CCDC178: variants seen among roughly 807,000 people sequenced by gnomAD.
CCDC178 encodes coiled-coil domain-containing protein 178.
A neutral mutation model predicts 117.4 loss-of-function variants in CCDC178; 126 were observed. That is an observed-to-expected ratio of 1.07 (90% CI 0.93 to 1.24). CCDC178 has a LOEUF of 1.24. Ranked by LOEUF, CCDC178 falls within the 50% of genes most tolerant of loss-of-function variation. The pLI is 0.00. For missense variants in CCDC178, 1,030 were observed against 986.9 expected, an observed-to-expected ratio of 1.04 and a Z score of -0.59; for synonymous variants, 283 against 313.4, an observed-to-expected ratio of 0.90 and a Z score of 1.02.
chr18:33,253,535 A>G (rs2059641230), intron 14 of CCDC178, among the ~76,000 whole-genome samples: 1 of 151,910 alleles, frequency 6.6e-6, no homozygotes, highest in African/African-American at 2.4e-5. Flanking sequence ...AAGGTGATTC[A>G]GATAAATGGT....
rs929454536 is a variant in CCDC178, at chr18:33,049,228, G to T, written c.2388+43533C>A. The stretch of plus-strand genomic sequence containing the variant: ...TTTAGTGGTTTTTTAATTTATAAAA[G>T]AAATCCTACAAAGCCATGAAACATA... On this transcript the variant is annotated intron_variant, in intron 21 of 22. Coordinates refer to ENST00000383096, the MANE Select transcript of CCDC178 (RefSeq NM_001105528.4). 4.6e-5 allele frequency among the ~76,000 whole-genome samples: 7 copies of T among 151,904 alleles called. 1 individual carries two copies. The Middle Eastern group carries it at 0.014, about 297-fold the overall frequency.
chr18:33,052,968 G>C (rs1027644642), intron 21 of CCDC178, among the ~76,000 whole-genome samples: 1 of 152,162 alleles, frequency 6.6e-6, no homozygotes, highest in Non-Finnish European at 1.5e-5. Context: ...CCACCCTAAA[G>C]CTGGACAAAT....
At chr18:33,068,895 T>C (rs547827387) in intron 21 of CCDC178, among the ~76,000 whole-genome samples, 90 of 152,146 alleles carry the variant, frequency 5.9e-4, no homozygotes, top group Non-Finnish European at 1.1e-3. Context: ...GCTTTGCAGA[T>C]GACATGATCC....
intron 21 of CCDC178, among the ~76,000 whole-genome samples, chr18:33,084,631 T>C (rs1264452662): frequency 6.6e-6 from 1 of 151,720 alleles, no homozygotes; most frequent in Non-Finnish European, 1.5e-5. Flanking sequence ...GCCAACATAC[T>C]GAAACCCCGT....
intron 9 of CCDC178, among the ~76,000 whole-genome samples, chr18:33,336,546 G>C (rs1158881900): frequency 6.6e-6 from 1 of 152,006 alleles, no homozygotes; most frequent in East Asian, 1.9e-4. Context: ...TTATAACTTT[G>C]ATATTACTGG....
intron 21 of CCDC178, among the ~76,000 whole-genome samples, chr18:32,999,190 T>A (rs2144764203): frequency 6.6e-6 from 1 of 152,152 alleles, no homozygotes; most frequent in Non-Finnish European, 1.5e-5. Context: ...AGACTGGCAG[T>A]AGCCAGACAG....
At chr18:32,980,128 T>G (rs1229535968) in intron 21 of CCDC178, among the ~76,000 whole-genome samples, 1 of 148,942 alleles carries the variant, frequency 6.7e-6, no homozygotes, top group Non-Finnish European at 1.5e-5. Flanking sequence ...AAAGGAAGAA[T>G]TTTTAAATAA....
chr18:33,231,725 C>G (rs2059370944), intron 15 of CCDC178, among the ~76,000 whole-genome samples: 1 of 152,184 alleles, frequency 6.6e-6, no homozygotes, highest in Non-Finnish European at 1.5e-5. Context: ...CTGCCACCAG[C>G]TGGTGTGTGG....
At position 33,387,779 on chromosome 18, in the gene CCDC178, A is replaced by G. The variant is rs566317044; in HGVS notation, c.208+1761T>C. On this transcript the variant is annotated intron_variant, in intron 5 of 22. Coordinates refer to ENST00000383096, the MANE Select transcript of CCDC178 (RefSeq NM_001105528.4). ...AACTCTAGAAGAAAATCTAGGCAAT[A>G]CTATTCAGGACATAGGCATGGAGAA... 3.9e-5 allele frequency among the ~76,000 whole-genome samples: 6 copies of G among 152,336 alleles called. No homozygotes were observed. In the South Asian group the frequency reaches 1.0e-3, roughly 26 times the overall value.
In CCDC178 at chr18:33,329,358, C is replaced by T. The variant is rs191021962; in HGVS notation, c.879+3816G>A. Among the ~76,000 whole-genome samples, 5 of 152,264 alleles carry T rather than the reference C, an allele frequency of 3.3e-5. No homozygotes were observed. The East Asian group carries it at 9.6e-4, about 29-fold the overall frequency. On this transcript the variant is annotated intron_variant, in intron 10 of 22. Transcript: ENST00000383096. ...AGAAGTAGTAAAACTGGGTATCCTTCTCTTATTTATGATCCTAGAGGAAAA... is the reference window on the plus strand; with the variant it reads ...AGAAGTAGTAAAACTGGGTATCCTTTTCTTATTTATGATCCTAGAGGAAAA...
intron 3 of CCDC178, among the ~76,000 whole-genome samples, chr18:33,404,168 T>C (rs2063749400): frequency 6.6e-6 from 1 of 152,134 alleles, no homozygotes; most frequent in Non-Finnish European, 1.5e-5. Context: ...CAGAGATCTG[T>C]ACCACAAAAG....
At chr18:32,987,770 T>C (rs908698851) in intron 21 of CCDC178, among the ~76,000 whole-genome samples, 2 of 152,174 alleles carry the variant, frequency 1.3e-5, no homozygotes, top group Non-Finnish European at 2.9e-5. Context: ...CAAAAATGTC[T>C]ATATCTCCTT....
intron 20 of CCDC178, among the ~76,000 whole-genome samples, chr18:33,109,869 T>C (rs2057758149): frequency 6.6e-6 from 1 of 151,524 alleles, no homozygotes. Flanking sequence ...CACTCTGCTG[T>C]CCATAAATTA....
At chr18:33,159,243 A>G (rs766384917) in intron 20 of CCDC178, among the ~76,000 whole-genome samples, 4 of 152,102 alleles carry the variant, frequency 2.6e-5, no homozygotes, top group African/African-American at 7.2e-5. Context: ...AGATCATGTC[A>G]TATAATTCCT....
intron 20 of CCDC178, among the ~76,000 whole-genome samples, chr18:33,118,481 A>C (rs938460021): frequency 2.0e-5 from 3 of 151,960 alleles, no homozygotes; most frequent in Non-Finnish European, 4.4e-5. Flanking sequence ...CCAGAGGCCC[A>C]AGAACCAAAG....
At chr18:33,428,814 G>C (rs936816915) in intron 2 of CCDC178, among the ~76,000 whole-genome samples, 10 of 148,904 alleles carry the variant, frequency 6.7e-5, no homozygotes, top group African/African-American at 2.5e-4. Context: ...AGGGTTCCTA[G>C]GGTGAAAAAA....
intron 20 of CCDC178, among the ~76,000 whole-genome samples, chr18:33,132,662 A>G (rs2058079872): frequency 1.3e-5 from 2 of 151,750 alleles, no homozygotes; most frequent in South Asian, 2.1e-4. Context: ...CTCTCAATAT[A>G]TAATATCTGC....
At chr18:33,348,513 T>G (rs1025847235) in intron 8 of CCDC178, among the ~76,000 whole-genome samples, 11 of 152,080 alleles carry the variant, frequency 7.2e-5, no homozygotes, top group African/African-American at 2.6e-4. Context: ...AGTTCCTCAG[T>G]CTTACTAGCC....
chr18:33,416,044 T>A (rs1288496938), intron 2 of CCDC178, among the ~76,000 whole-genome samples: 1 of 152,168 alleles, frequency 6.6e-6, no homozygotes, highest in Non-Finnish European at 1.5e-5. Context: ...AAGCCTGCTT[T>A]CTTTAGTCAA....
Sources: allele counts gnomAD v4.1 joint callset (sites outside exome capture counted in the v4.1 genomes callset), GRCh38; gene constraint gnomAD v4.1.1; transcripts MANE v1.5; gene names NCBI Gene and HGNC (gene_info 2026-07-23, HGNC 2026-07-21).